The following PIK3C2A variants were observed in gnomAD, a reference collection of about 807,000 sequenced individuals.
The protein encoded by PIK3C2A is phosphatidylinositol 4-phosphate 3-kinase C2 domain-containing subunit alpha.
In PIK3C2A, 97 loss-of-function variants were observed where a neutral mutation model predicts 204.5. The observed-to-expected ratio is 0.47, with a 90% CI of 0.40 to 0.56. The LOEUF (loss-of-function observed/expected upper bound fraction) is 0.56, where lower values mean the gene tolerates loss of function less well. PIK3C2A is among the 20% of genes least tolerant of loss of function. The pLI is 0.00. For missense variants in PIK3C2A, 1,735 were observed against 1,969.2 expected (o/e 0.88, Z 2.25); for synonymous variants, 653 against 664.4 (o/e 0.98, Z 0.26).
intron 32 of PIK3C2A, 116 bp from the exon 33 acceptor site, chr11:17,090,036 C>T: frequency 2.8e-6 from 2 of 706,484 alleles, no homozygotes; most frequent in South Asian, 1.9e-5. Context: ...ATGAGTGACA[C>T]TGATTATGAC....
chr11:17,127,430 T>C (rs1409059319), intron 13 of PIK3C2A, among the ~76,000 whole-genome samples: 1 of 152,034 alleles, frequency 6.6e-6, no homozygotes, highest in Admixed American at 6.6e-5. Flanking sequence ...TGCCTCAGCA[T>C]CCCAAGTAGC....
rs1376782146 is a variant in PIK3C2A, at chr11:17,174,146, G to C, written c.-65-4340C>G. On this transcript the variant is annotated intron_variant, in intron 1 of 32. Coordinates refer to ENST00000691414, the MANE Select transcript of PIK3C2A (RefSeq NM_002645.4). ...TGGCTGAACATGTGTTTTAACAAGA[G>C]GGAGTGAGGGCTATTGGACAGTCTT... Among the ~76,000 whole-genome samples, 5 of 152,032 alleles carry C rather than the reference G, an allele frequency of 3.3e-5. No individual in the cohort carries two copies. In the South Asian group the frequency reaches 1.0e-3, roughly 32 times the overall value.
chr11:17,110,224 A>T lies in PIK3C2A; in HGVS notation c.3544+208T>A, dbSNP rs186945099. On this transcript the variant is annotated intron_variant, in intron 22 of 32. Coordinates refer to ENST00000691414, the MANE Select transcript of PIK3C2A (RefSeq NM_002645.4). ...CACCTTGGCCTCCCAAAGTGCTGGG[A>T]TTACAGGCATGAGCCACTATGCCCG... Among the ~76,000 whole-genome samples the T allele has an allele frequency of 2.0e-5, 3 of 152,270 alleles. No individual in the cohort carries two copies. The East Asian group carries it at 5.8e-4, about 29-fold the overall frequency.
intron 1 of PIK3C2A, among the ~76,000 whole-genome samples, chr11:17,205,990 G>A (rs528862328): frequency 1.1e-4 from 17 of 152,154 alleles, no homozygotes; most frequent in Non-Finnish European, 2.4e-4. Context: ...ATGTGTGGTG[G>A]CGCGTGCCTG....
At position 17,091,316 on chromosome 11, in the gene PIK3C2A, G is replaced by A; in HGVS notation, c.4878+18C>T. ...AAATAATAAACCAAGGAAACTTCTA[G>A]AAATGATTTTAACTTACCATTTCAT... On this transcript the variant is annotated intron_variant, in intron 32 of 32. Transcript: ENST00000691414. The A allele has an allele frequency of 1.3e-6, 2 of 1,597,350 alleles. No individual in the cohort carries two copies. Among genetic ancestry groups the A allele is most frequent in the South Asian group, 1.1e-5 (1 of 87,862 alleles).
chr11:17,130,212 C>T (rs183473155), intron 12 of PIK3C2A, among the ~76,000 whole-genome samples: 147 of 152,038 alleles, frequency 9.7e-4, no homozygotes, highest in Non-Finnish European at 1.6e-3. Context: ...CTCTTCCCTC[C>T]CATGAAAAAA....
At chr11:17,186,686 C>A (rs1487142032) in intron 1 of PIK3C2A, among the ~76,000 whole-genome samples, 2 of 152,206 alleles carry the variant, frequency 1.3e-5, no homozygotes, top group East Asian at 1.9e-4. Flanking sequence ...CGGAATTCTT[C>A]TTCAGAGCCA....
chr11:17,149,506 G>A (rs1850360079), intron 4 of PIK3C2A, among the ~76,000 whole-genome samples: 2 of 152,102 alleles, frequency 1.3e-5, no homozygotes, highest in South Asian at 4.1e-4. Flanking sequence ...GCAGTATCTA[G>A]CAAACAATGA....
rs2137259462 is a variant in PIK3C2A, at chr11:17,091,373, T to G, written c.4839A>C (p.Lys1613Asn). ...TCGGATTCCTCGTTTTTCGTGAAAT[T>G]TTGGTTTTACGTTTGGATGTTTTGT... Reference protein sequence around the residue: ...DNHKTSKRKTKISRKTRNPTF... With the variant: ...DNHKTSKRKTNISRKTRNPTF... Residue 1613 changes from lysine (K) to asparagine (N), a missense_variant, in exon 32 of 33, where the codon AAA becomes AAC. Physicochemically the swap from Lys to Asn is moderately conservative, Grantham distance 94 (BLOSUM62 0). This residue lies in a region of PIK3C2A where 503 missense variants were observed against 669.0 expected (regional missense o/e 0.75). Transcript: ENST00000691414. 1.9e-6 allele frequency: 3 copies of G among 1,613,884 alleles called. No individual in the cohort carries two copies.
At chr11:17,162,841 G>A (rs1021346497) in intron 2 of PIK3C2A, among the ~76,000 whole-genome samples, 1 of 152,130 alleles carries the variant, frequency 6.6e-6, no homozygotes, top group Non-Finnish European at 1.5e-5. Context: ...CAACCTGAGA[G>A]CAACCATCAT....
chr11:17,167,466 T>C (rs1431442425), intron 2 of PIK3C2A, among the ~76,000 whole-genome samples: 1 of 151,910 alleles, frequency 6.6e-6, no homozygotes, highest in African/African-American at 2.4e-5. Context: ...CTACTAAAAA[T>C]ACAAAACCAG....
At chr11:17,177,070 A>G (rs978939151) in intron 1 of PIK3C2A, among the ~76,000 whole-genome samples, 1 of 152,180 alleles carries the variant, frequency 6.6e-6, no homozygotes, top group Non-Finnish European at 1.5e-5. Flanking sequence ...TGGTGAAATC[A>G]GGACTCAATT....
chr11:17,194,218 G>A lies in PIK3C2A; in HGVS notation c.-66+13630C>T, dbSNP rs539910365. On this transcript the variant is annotated intron_variant, in intron 1 of 32. Coordinates refer to ENST00000691414, the MANE Select transcript of PIK3C2A (RefSeq NM_002645.4). ...TGTGCCGGCCAAACGACAAGGACAA[G>A]GATCAAACCAAGGCCCAGGCTGCAA... The A allele has an allele frequency of 2.6e-4, 101 of 395,732 alleles. No homozygotes were observed. In the South Asian group the frequency reaches 3.2e-3, roughly 12 times the overall value. The allele number at this position is 395,732 out of a possible 1,614,324, so 24.5% of individuals were successfully genotyped here.
intron 32 of PIK3C2A, among the ~76,000 whole-genome samples, chr11:17,090,137 T>G (rs893178088): frequency 2.6e-5 from 4 of 152,094 alleles, no homozygotes; most frequent in Non-Finnish European, 5.9e-5. Context: ...ATGTCTGACA[T>G]AGAGAGATAC....
chr11:17,187,542 T>C (rs958249204), intron 1 of PIK3C2A, among the ~76,000 whole-genome samples: 15 of 152,140 alleles, frequency 9.9e-5, no homozygotes, highest in Admixed American at 7.9e-4. Flanking sequence ...GAGTTTCTCA[T>C]TGGCAGGGTT....
intron 21 of PIK3C2A, among the ~76,000 whole-genome samples, chr11:17,111,335 G>A (rs1388028473): frequency 6.6e-6 from 1 of 152,152 alleles, no homozygotes; most frequent in Non-Finnish European, 1.5e-5. Flanking sequence ...ATATTACTAT[G>A]AAGAAGAGTA....
chr11:17,140,482 G>C (rs1850027802), intron 8 of PIK3C2A, among the ~76,000 whole-genome samples: 2 of 152,130 alleles, frequency 1.3e-5, no homozygotes, highest in Admixed American at 1.3e-4. Flanking sequence ...AGAAAAAAGT[G>C]AACTATAGAT....
chr11:17,104,761 T>C (rs1848753847), intron 23 of PIK3C2A, among the ~76,000 whole-genome samples: 1 of 148,632 alleles, frequency 6.7e-6, no homozygotes, highest in Admixed American at 6.7e-5. Context: ...CATAAGGCCC[T>C]GTTGCTGAGT....
At chr11:17,167,225 A>G (rs908690338) in intron 2 of PIK3C2A, among the ~76,000 whole-genome samples, 2 of 152,182 alleles carry the variant, frequency 1.3e-5, no homozygotes, top group Non-Finnish European at 2.9e-5. Flanking sequence ...CTCCCACCGT[A>G]GTCTTCCAAA....
Sources: allele counts gnomAD v4.1 joint callset (sites outside exome capture counted in the v4.1 genomes callset), GRCh38; gene constraint gnomAD v4.1.1; regional missense constraint gnomAD v4.1.1; transcripts MANE v1.5; gene names NCBI Gene and HGNC (gene_info 2026-07-23, HGNC 2026-07-21).